The following PDE10A variants were observed in gnomAD, a reference collection of about 807,000 sequenced individuals.
The protein encoded by PDE10A is phosphodiesterase 10A.
PDE10A carries 39 observed loss-of-function variants against 97.7 expected under a neutral mutation model. That is an observed-to-expected ratio of 0.40 (90% CI 0.31 to 0.52). The LOEUF (loss-of-function observed/expected upper bound fraction) is 0.52. Among genes scored for constraint, PDE10A ranks in the 20% least tolerant of loss-of-function variants. The probability of loss-of-function intolerance (pLI) is 0.56; values close to 1 mark genes in which losing one functional copy is unlikely to be tolerated. For synonymous variants in PDE10A, 371 were observed against 376.8 expected (o/e 0.98, Z 0.18); for missense variants, 731 against 1,047.8 (o/e 0.70, Z 4.17).
At chr6:165,561,407 G>C (rs1435033666) in intron 1 of PDE10A, among the ~76,000 whole-genome samples, 1 of 152,112 alleles carries the variant, frequency 6.6e-6, no homozygotes, top group African/African-American at 2.4e-5. Context: ...CCCAGTCTCA[G>C]GTAGTTCTTT....
chr6:165,446,811 G>C (rs1209308152), intron 5 of PDE10A, among the ~76,000 whole-genome samples: 1 of 152,142 alleles, frequency 6.6e-6, no homozygotes, highest in African/African-American at 2.4e-5. Context: ...CTCAGTCCCT[G>C]AGATGCGGGA....
intron 1 of PDE10A, among the ~76,000 whole-genome samples, chr6:165,897,976 G>A (rs1021738289): frequency 1.3e-5 from 2 of 151,886 alleles, no homozygotes; most frequent in African/African-American, 2.4e-5. Context: ...TGCCCCGTGC[G>A]GTCCTTTGCC....
chr6:165,750,672 A>C (rs948219309), intron 1 of PDE10A, among the ~76,000 whole-genome samples: 1 of 152,096 alleles, frequency 6.6e-6, no homozygotes, highest in African/African-American at 2.4e-5. Flanking sequence ...GAGTTCTTTG[A>C]CTGTCATGAG....
chr6:165,828,156 A>G lies in PDE10A; in HGVS notation c.-615+159373T>C, dbSNP rs116812495. Among the ~76,000 whole-genome samples the G allele has an allele frequency of 4.1e-3, 627 of 152,384 alleles. 6 individuals are homozygous for G. The highest frequency in any genetic ancestry group is 0.015 in the African/African-American group (604 of 41,594). On this transcript the variant is annotated intron_variant, in intron 1 of 19. Transcript: ENST00000366882. ...ACAAGAGAGAAATAATTCTAGCTAG[A>G]GAAAAATGTTGGTTCTAAGGCATAG...
At chr6:165,482,463 G>A (rs1029006434) in intron 2 of PDE10A, 120 bp from the exon 3 acceptor site, 16 of 728,604 alleles carry the variant, frequency 2.2e-5, no homozygotes, top group East Asian at 1.4e-4. Flanking sequence ...TTCCTCTTAC[G>A]AAATCTATGA....
At chr6:165,384,627 A>AGTGTGTGT (rs1211089384) in intron 17 of PDE10A, among the ~76,000 whole-genome samples, 2 of 60,652 alleles carry the variant, frequency 3.3e-5, no homozygotes, top group African/African-American at 2.4e-4. Flanking sequence ...TGTATGTGTG[A>AGTGTGTGT]GTGAGTGTGT....
chr6:165,336,622 G>A (rs941857046), intron 20 of PDE10A, among the ~76,000 whole-genome samples: 16 of 151,970 alleles, frequency 1.1e-4, no homozygotes, highest in African/African-American at 1.7e-4. Flanking sequence ...GGTGGCAGGC[G>A]CCTGTAGTCC....
chr6:165,651,043 A>G (rs945183245), intron 1 of PDE10A, among the ~76,000 whole-genome samples: 1 of 152,164 alleles, frequency 6.6e-6, no homozygotes, highest in African/African-American at 2.4e-5. Context: ...GCCAACATGC[A>G]TTTTTAATAT....
At position 165,981,909 on chromosome 6, in the gene PDE10A, A is replaced by G. The variant is rs542725694; in HGVS notation, c.-615+5620T>C. 4.6e-5 allele frequency among the ~76,000 whole-genome samples: 7 copies of G among 152,326 alleles called. No homozygotes were observed. The East Asian group carries it at 1.2e-3, about 25-fold the overall frequency. ...CTATTAGAAACATTAATCTGTTGGA[A>G]AGATCAATCCAGCTGATGGTGGGGG... is the stretch of plus-strand genomic sequence containing the variant. On this transcript the variant is annotated intron_variant, in intron 1 of 19. Transcript: ENST00000366882.
chr6:165,542,332 C>T (rs1028280390), intron 2 of PDE10A, among the ~76,000 whole-genome samples: 1 of 152,080 alleles, frequency 6.6e-6, no homozygotes, highest in Admixed American at 6.5e-5. Flanking sequence ...TATTAATATA[C>T]ATTCAGTTTG....
intron 1 of PDE10A, among the ~76,000 whole-genome samples, chr6:165,799,838 C>T (rs1433578504): frequency 6.6e-6 from 1 of 152,202 alleles, no homozygotes; most frequent in Non-Finnish European, 1.5e-5. Context: ...CACTGAAATT[C>T]TTTGTGTGTG....
chr6:165,762,722 GT>G (rs1793280784), intron 1 of PDE10A, among the ~76,000 whole-genome samples: 1 of 152,090 alleles, frequency 6.6e-6, no homozygotes. Flanking sequence ...CCACAGACTG[GT>G]AAAATCTTTA....
intron 3 of PDE10A, among the ~76,000 whole-genome samples, chr6:165,466,027 C>T (rs953864530): frequency 1.3e-5 from 2 of 152,178 alleles, no homozygotes; most frequent in South Asian, 4.2e-4. Flanking sequence ...CAGGACTGTC[C>T]CTGGACAATG....
At position 165,582,724 on chromosome 6, in the gene PDE10A, G is replaced by A. The variant is rs561283772; in HGVS notation, c.866-39156C>T. Among the ~76,000 whole-genome samples the A allele has an allele frequency of 6.9e-4, 104 of 151,092 alleles. 2 individuals carry two copies. The South Asian group carries it at 0.021, about 30-fold the overall frequency. ...TTGGGGATTTTTACTACCTTGTCTT[G>A]TTTTTTAATCAAGACAAGTATAGAT... On this transcript the variant is annotated intron_variant, in intron 1 of 21. Coordinates refer to ENST00000539869, the MANE Select transcript of PDE10A (RefSeq NM_001385079.1).
At chr6:165,966,510 C>T (rs974224560) in intron 1 of PDE10A, among the ~76,000 whole-genome samples, 21 of 152,230 alleles carry the variant, frequency 1.4e-4, no homozygotes, top group African/African-American at 4.6e-4. Context: ...CAGCCCAGCT[C>T]GTGGAAGATG....
chr6:165,809,111 T>G (rs1779211066), intron 1 of PDE10A, among the ~76,000 whole-genome samples: 1 of 152,208 alleles, frequency 6.6e-6, no homozygotes, highest in African/African-American at 2.4e-5. Flanking sequence ...AAAATGTAAG[T>G]GTACACAGCT....
At chr6:165,835,726 C>G (rs1001007469) in intron 1 of PDE10A, among the ~76,000 whole-genome samples, 2 of 152,122 alleles carry the variant, frequency 1.3e-5, no homozygotes, top group Admixed American at 6.5e-5. Flanking sequence ...ACAGGGAGTC[C>G]CTGGAGCTGG....
intron 13 of PDE10A, chr6:165,409,741 AC>A (rs1787581296): frequency 6.6e-6 from 1 of 152,160 alleles, no homozygotes; most frequent in Admixed American, 6.5e-5. Flanking sequence ...GGAGAAAACC[AC>A]TGTTGTGATG....
chr6:165,681,324 A>C, intron 1 of PDE10A, among the ~76,000 whole-genome samples: 1 of 152,208 alleles, frequency 6.6e-6, no homozygotes, highest in Non-Finnish European at 1.5e-5. Context: ...AAAACAGACA[A>C]GTTGAAAAGA....
Sources: allele counts gnomAD v4.1 joint callset (sites outside exome capture counted in the v4.1 genomes callset), GRCh38; gene constraint gnomAD v4.1.1; transcripts MANE v1.5; gene names NCBI Gene and HGNC (gene_info 2026-07-23, HGNC 2026-07-21).